The following PRKCA variants were observed in gnomAD, a reference collection of about 807,000 sequenced individuals.
The protein encoded by PRKCA is protein kinase C alpha type.
A neutral mutation model predicts 87.0 loss-of-function variants in PRKCA; 27 were observed. The ratio of observed to expected loss-of-function variants is 0.31; its 90% CI spans 0.23 to 0.43. PRKCA has a LOEUF of 0.43. Ranked by LOEUF, PRKCA falls within the 20% of genes least tolerant of loss-of-function variation. The pLI, the probability that PRKCA is intolerant of heterozygous loss-of-function variation, is 1.00. For missense variants in PRKCA, 518 were observed against 852.3 expected, an observed-to-expected ratio of 0.61 and a Z score of 4.88; for synonymous variants, 329 against 311.1, an observed-to-expected ratio of 1.06 and a Z score of -0.61.
intron 14 of PRKCA, among the ~76,000 whole-genome samples, chr17:66,783,949 A>G (rs538969154): frequency 2.6e-5 from 4 of 152,344 alleles, no homozygotes; most frequent in Non-Finnish European, 5.9e-5. Context: ...ACAGGGCCCA[A>G]GCCCACAAGA....
chr17:66,802,990 G>A (rs1271704540), intron 16 of PRKCA, among the ~76,000 whole-genome samples: 5 of 152,260 alleles, frequency 3.3e-5, no homozygotes, highest in African/African-American at 4.8e-5. Context: ...ACTTCAACAC[G>A]CCACTACCCT....
intron 3 of PRKCA, among the ~76,000 whole-genome samples, chr17:66,602,760 G>A (rs1970087359): frequency 6.6e-6 from 1 of 152,166 alleles, no homozygotes; most frequent in African/African-American, 2.4e-5. Context: ...TGGCTCTGAT[G>A]CTACAGAGAC....
chr17:66,347,941 C>CTTTTTTTTTTTTTTGTT (rs1907497400), intron 2 of PRKCA, among the ~76,000 whole-genome samples: 1 of 56,440 alleles, frequency 1.8e-5, no homozygotes, highest in Non-Finnish European at 3.3e-5. Context: ...AATTCTGAAC[C>CTTTTTTTTTTTTTTGTT]TTTTTTTTTT....
At chr17:66,349,967 A>C (rs1418383379) in intron 2 of PRKCA, among the ~76,000 whole-genome samples, 1 of 151,962 alleles carries the variant, frequency 6.6e-6, no homozygotes, top group African/African-American at 2.4e-5. Context: ...AGAGGTTAAA[A>C]AAAAAGTCCA....
chr17:66,354,667 C>T (rs1197222959), intron 2 of PRKCA, among the ~76,000 whole-genome samples: 1 of 152,168 alleles, frequency 6.6e-6, no homozygotes, highest in Non-Finnish European at 1.5e-5. Flanking sequence ...GGACTGCCTA[C>T]TTGACTAATC....
rs78616554 is a variant in PRKCA, at chr17:66,746,956, T to C, written c.1524+4196T>C. Among the ~76,000 whole-genome samples the C allele has an allele frequency of 7.9e-5, 12 of 152,290 alleles. No homozygotes were observed. In the East Asian group the frequency reaches 2.3e-3, roughly 29 times the overall value. ...CTCCAGACACTAGCATTGCGCACTCTTGCCTGGAAGAAAGAGAAGCAGGAA... is the reference window on the plus strand; with the variant it reads ...CTCCAGACACTAGCATTGCGCACTCCTGCCTGGAAGAAAGAGAAGCAGGAA... On this transcript the variant is annotated intron_variant, in intron 13 of 16. Transcript: ENST00000413366.
chr17:66,351,563 G>T (rs976267929), intron 2 of PRKCA, among the ~76,000 whole-genome samples: 2 of 152,146 alleles, frequency 1.3e-5, no homozygotes, highest in African/African-American at 4.8e-5. Flanking sequence ...ATAAAAAATA[G>T]ATTTTGACAT....
At chr17:66,679,875 G>C (rs1972442775) in intron 5 of PRKCA, among the ~76,000 whole-genome samples, 1 of 152,186 alleles carries the variant, frequency 6.6e-6, no homozygotes, top group Non-Finnish European at 1.5e-5. Flanking sequence ...TGGTGGACAG[G>C]TTATTTCACC....
intron 2 of PRKCA, 109 bp from the exon 3 acceptor site, chr17:66,496,092 C>A: frequency 1.3e-6 from 1 of 797,296 alleles, no homozygotes; most frequent in Non-Finnish European, 2.1e-6. Flanking sequence ...AAGATTCTGT[C>A]TGTAGTGAAA....
At chr17:66,632,610 G>A (rs1463075165) in intron 3 of PRKCA, among the ~76,000 whole-genome samples, 1 of 151,914 alleles carries the variant, frequency 6.6e-6, no homozygotes, top group African/African-American at 2.4e-5. Context: ...GAACTCCTGA[G>A]CTCAAACGAT....
In PRKCA at chr17:66,410,366, G is replaced by T. The variant is rs541357817; in HGVS notation, c.206-85835G>T. Among the ~76,000 whole-genome samples the T allele has an allele frequency of 1.1e-4, 17 of 152,184 alleles. No individual in the cohort carries two copies. The East Asian group carries it at 1.9e-3, about 17-fold the overall frequency. On this transcript the variant is annotated intron_variant, in intron 2 of 16. Transcript: ENST00000413366. The stretch of plus-strand genomic sequence containing the variant: ...CACAAATGGAAACTCAGACGTGGCT[G>T]GTCTGTGTTGCTTGTCACTGAAAAC...
intron 5 of PRKCA, among the ~76,000 whole-genome samples, chr17:66,666,844 A>G (rs1357257656): frequency 1.3e-5 from 2 of 151,842 alleles, no homozygotes; most frequent in Non-Finnish European, 2.9e-5. Context: ...CCCCACACAC[A>G]AATTTAGAGA....
At chr17:66,508,024 T>C (rs1268788029) in intron 3 of PRKCA, among the ~76,000 whole-genome samples, 4 of 152,222 alleles carry the variant, frequency 2.6e-5, no homozygotes, top group African/African-American at 9.7e-5. Context: ...TTTATTTATT[T>C]ACAAAGGGAT....
intron 9 of PRKCA, among the ~76,000 whole-genome samples, chr17:66,735,165 C>G (rs6504450): frequency 0.66 from 99,802 of 151,970 alleles, 32,900 homozygotes; most frequent in East Asian, 0.71. Flanking sequence ...TAAGGATACT[C>G]CTGAAAAATG....
intron 13 of PRKCA, among the ~76,000 whole-genome samples, chr17:66,745,404 G>A (rs6504455): frequency 0.027 from 4,135 of 152,246 alleles, 165 homozygotes; most frequent in African/African-American, 0.092. Context: ...CTCTTGGCTG[G>A]GCACAGTGGC....
At chr17:66,779,453 G>T (rs1489156551) in intron 14 of PRKCA, among the ~76,000 whole-genome samples, 1 of 152,022 alleles carries the variant, frequency 6.6e-6, no homozygotes, top group Non-Finnish European at 1.5e-5. Flanking sequence ...CTCTCCTTAT[G>T]CCCTTTTCTC....
intron 5 of PRKCA, among the ~76,000 whole-genome samples, chr17:66,686,425 T>C (rs1972630212): frequency 6.6e-6 from 1 of 152,180 alleles, no homozygotes; most frequent in South Asian, 2.1e-4. Flanking sequence ...ATGCTGCCGG[T>C]CCATGGACCA....
intron 2 of PRKCA, among the ~76,000 whole-genome samples, chr17:66,349,020 A>G (rs897746923): frequency 6.6e-6 from 1 of 152,216 alleles, no homozygotes; most frequent in African/African-American, 2.4e-5. Context: ...TTTGTTATTA[A>G]GAGCTTCAGT....
chr17:66,386,186 T>C (rs1009938436), intron 2 of PRKCA, among the ~76,000 whole-genome samples: 1 of 152,252 alleles, frequency 6.6e-6, no homozygotes, highest in African/African-American at 2.4e-5. Flanking sequence ...CATTATATCA[T>C]CCTACAGTTC....
Sources: gnomAD v4.1 joint callset for allele counts (sites outside exome capture counted in the v4.1 genomes callset) on GRCh38, gnomAD v4.1.1 for gene constraint, MANE v1.5 for transcripts, NCBI Gene and HGNC (gene_info 2026-07-23, HGNC 2026-07-21) for gene names.